Variants in PHF21B observed in about 807,000 individuals in gnomAD.
PHF21B encodes the protein PHD finger protein 4.
A neutral mutation model predicts 62.2 loss-of-function variants in PHF21B; 22 were observed. The ratio of observed to expected loss-of-function variants is 0.35; its 90% CI spans 0.25 to 0.51. The LOEUF (loss-of-function observed/expected upper bound fraction) is 0.51. Among genes scored for constraint, PHF21B ranks in the 20% least tolerant of loss-of-function variants. The pLI is 0.97. For missense variants in PHF21B, 701 were observed against 707.9 expected (o/e 0.99, Z 0.11); for synonymous variants, 341 against 314.7 (o/e 1.08, Z -0.88).
chr22:45,007,565 G>A (rs2073342729), intron 2 of PHF21B, among the ~76,000 whole-genome samples: 1 of 102,960 alleles, frequency 9.7e-6, no homozygotes, highest in Non-Finnish European at 2.2e-5. Flanking sequence ...GGGGCGCGAA[G>A]GAGGGAGGGA....
In PHF21B at chr22:44,893,471, G is replaced by C. The variant is rs1256072305; in HGVS notation, c.946C>G (p.Leu316Val). 54 of 1,600,252 alleles carry C rather than the reference G, an allele frequency of 3.4e-5. No individual in the cohort carries two copies. Among genetic ancestry groups the C allele is most frequent in the Non-Finnish European group, 4.5e-5 (53 of 1,173,760 alleles). Residue 316 changes from leucine to valine, a missense_variant, in exon 7 of 13, where the codon CTC becomes GTC. Physicochemically the swap from Leu to Val is conservative, Grantham distance 32. Coordinates refer to ENST00000313237, the MANE Select transcript of PHF21B (RefSeq NM_138415.5). ...GGGTTCCCCACCTCGGTCTCCAGGA[G>C]GCCGCTGTAGGCAGGGTTGGCTGTG... is the stretch of plus-strand genomic sequence containing the variant. ...RSTANPAYSG[L>V]LETERKRLAS...
chr22:44,924,530 G>A (rs1314737745), intron 2 of PHF21B, among the ~76,000 whole-genome samples: 6 of 152,174 alleles, frequency 3.9e-5, no homozygotes, highest in Admixed American at 1.3e-4. Context: ...GCTCTTATAA[G>A]AAGAGACACG....
rs145816840 is a variant in PHF21B, at chr22:44,883,112, C to T, written c.1570G>A (p.Val524Ile). The change falls in exon 13 of 13, where the codon GTC (valine) becomes ATC (isoleucine). Residue 524 changes from valine to isoleucine, a missense_variant. Transcript: ENST00000313237. Reference protein sequence around the residue: ...KPSVAATHPTVQHPQGHN With the variant: ...KPSVAATHPTIQHPQGHN ...CAGTTGTGGCCCTGGGGGTGCTGGA[C>T]GGTGGGGTGTGTGGCTGCCACTGAG... 44 of 1,611,748 alleles carry T rather than the reference C, an allele frequency of 2.7e-5. 1 individual carries two copies. The African/African-American group carries it at 3.2e-4, about 12-fold the overall frequency.
chr22:44,904,368 T>C (rs2071213197), intron 5 of PHF21B, among the ~76,000 whole-genome samples: 1 of 152,196 alleles, frequency 6.6e-6, no homozygotes, highest in Non-Finnish European at 1.5e-5. Flanking sequence ...TTATACCCAC[T>C]GGCTGTCTCT....
chr22:45,004,996 C>T (rs2073289781), intron 2 of PHF21B, among the ~76,000 whole-genome samples: 1 of 152,192 alleles, frequency 6.6e-6, no homozygotes, highest in African/African-American at 2.4e-5. Flanking sequence ...TGTAAAGCTG[C>T]ACCTGCATGA....
At chr22:45,008,797 T>C (rs1957996978) in intron 1 of PHF21B, 187 bp from the exon 2 acceptor site, 2 of 1,171,298 alleles carry the variant, frequency 1.7e-6, no homozygotes, top group East Asian at 3.8e-5. Context: ...CGCTTACCTG[T>C]GGCTGCCGCC....
intron 2 of PHF21B, among the ~76,000 whole-genome samples, chr22:44,942,135 T>C (rs1216657850): frequency 1.3e-5 from 2 of 152,172 alleles, no homozygotes; most frequent in Middle Eastern, 3.2e-3. Context: ...TCTGCCCTTG[T>C]CCCAGCACCA....
At position 44,913,886 on chromosome 22, in the gene PHF21B, G is replaced by A. The variant is rs1456116896; in HGVS notation, c.767C>T (p.Ser256Phe). 1.9e-6 allele frequency: 3 copies of A among 1,614,050 alleles called. No individual in the cohort carries two copies. The highest frequency in any genetic ancestry group is 2.5e-6 in the Non-Finnish European group (3 of 1,180,022). ...AESRPPTEEPSQGAQATKKKK... is the reference protein window; with the variant it reads ...AESRPPTEEPFQGAQATKKKK... ...CTTTTTGGTGGCCTGAGCTCCCTGA[G>A]ATGGCTCCTCTGTGGGCGGCCGCGA... The change falls in exon 5 of 13, where the codon TCT becomes TTT. Residue 256 changes from serine (S) to phenylalanine (F), a missense_variant. Ser to Phe is a radical substitution (Grantham distance 155). Coordinates refer to ENST00000313237, the MANE Select transcript of PHF21B (RefSeq NM_138415.5).
At position 45,009,364 on chromosome 22, in the gene PHF21B, C is replaced by A. The variant is rs1391056253; in HGVS notation, c.54+132G>T. On this transcript the variant is annotated intron_variant, in intron 1 of 12. Transcript: ENST00000313237. This position sits in a 1 kb window ranked among gnomAD's most constrained non-coding sequence, Gnocchi z 5.9. ...GTCCGCGCGTGTGCTCACTCCCTCGCCCCCCGCCCCCGGGCAGGCTCCAGC... is the reference window on the plus strand; with the variant it reads ...GTCCGCGCGTGTGCTCACTCCCTCGACCCCCGCCCCCGGGCAGGCTCCAGC... 7.4e-6 allele frequency: 7 copies of A among 941,728 alleles called. No homozygotes were observed. In the South Asian group the frequency reaches 1.2e-4, roughly 17 times the overall value. The allele number at this position is 941,728 out of a possible 1,614,324, so 58.3% of individuals were successfully genotyped here. A position where few individuals can be genotyped will look rare whatever the true frequency, so the allele number is the denominator to read the frequency against.
At chr22:44,891,485 G>T (rs1459995684) in intron 7 of PHF21B, 125 bp from the exon 8 acceptor site, 2 of 1,122,274 alleles carry the variant, frequency 1.8e-6, no homozygotes, top group East Asian at 5.0e-5. Flanking sequence ...GCTCTGGCTG[G>T]ACACCCCCTG....
At chr22:44,941,063 C>T (rs136697) in intron 2 of PHF21B, among the ~76,000 whole-genome samples, 22,601 of 152,228 alleles carry the variant, frequency 0.15, 2,344 homozygotes, top group East Asian at 0.45. Flanking sequence ...CACAGCACCC[C>T]GCAGCGCCAT....
At chr22:44,947,986 T>C (rs954584043) in intron 2 of PHF21B, among the ~76,000 whole-genome samples, 8 of 151,618 alleles carry the variant, frequency 5.3e-5, no homozygotes, top group African/African-American at 1.9e-4. Context: ...CTCCCCGCTG[T>C]TGTCCCTCCT....
chr22:44,972,835 T>A (rs888699742), intron 2 of PHF21B, among the ~76,000 whole-genome samples: 2 of 152,110 alleles, frequency 1.3e-5, no homozygotes, highest in Non-Finnish European at 2.9e-5. Flanking sequence ...AGGGACTGTG[T>A]CTTTGCTGCC....
intron 2 of PHF21B, among the ~76,000 whole-genome samples, chr22:45,002,299 T>C (rs568276204): frequency 2.0e-5 from 3 of 152,328 alleles, no homozygotes; most frequent in Admixed American, 2.0e-4. Context: ...AACATGTAAC[T>C]ATAAATTGCA....
chr22:44,933,827 G>A (rs1168624480), intron 2 of PHF21B, among the ~76,000 whole-genome samples: 1 of 152,124 alleles, frequency 6.6e-6, no homozygotes, highest in Non-Finnish European at 1.5e-5. Flanking sequence ...ACCCTGCACC[G>A]CGAGGGAAGG....
rs1736835207 is a variant in PHF21B at position 44,881,476 on chromosome 22, A to T, written c.*1610T>A. 1 of 152,702 alleles carries T rather than the reference A, an allele frequency of 6.5e-6. No individual in the cohort carries two copies. The highest frequency in any genetic ancestry group is 2.4e-5 in the African/African-American group (1 of 41,476). The allele number at this position is 152,702 out of a possible 1,614,324, so 9.5% of individuals were successfully genotyped here. A position where few individuals can be genotyped will look rare whatever the true frequency, so the allele number is the denominator to read the frequency against. On this transcript the variant is annotated 3_prime_UTR_variant, in exon 13 of 13. Coordinates refer to ENST00000313237, the MANE Select transcript of PHF21B (RefSeq NM_138415.5). ...CTTGGCACAGAGTAGCCAATATAGA[A>T]GACGTGTGCCTCACACGGTTCACTT...
At chr22:44,907,503 G>A (rs1388251547) in intron 5 of PHF21B, among the ~76,000 whole-genome samples, 2 of 152,224 alleles carry the variant, frequency 1.3e-5, no homozygotes, top group Non-Finnish European at 2.9e-5. Context: ...CGGCCTGGGA[G>A]CCCTGGGCTT....
chr22:44,994,857 G>C (rs1471865192), intron 2 of PHF21B, among the ~76,000 whole-genome samples: 1 of 152,214 alleles, frequency 6.6e-6, no homozygotes, highest in African/African-American at 2.4e-5. Flanking sequence ...CAGAAAAGAA[G>C]TCCAGATAAA....
chr22:44,883,334 C>A, intron 12 of PHF21B, 30 bp from the exon 13 acceptor site: 1 of 1,604,674 alleles, frequency 6.2e-7, no homozygotes, highest in Non-Finnish European at 8.5e-7. Flanking sequence ...GGGAAAGGGT[C>A]TCAGTATTCG....
Sources: allele counts gnomAD v4.1 joint callset (sites outside exome capture counted in the v4.1 genomes callset), GRCh38; gene constraint gnomAD v4.1.1; non-coding constraint Gnocchi (gnomAD v3.1); transcripts MANE v1.5; gene names NCBI Gene and HGNC (gene_info 2026-07-23, HGNC 2026-07-21).